The following SGPP2 variants were observed in gnomAD, a reference collection of about 807,000 sequenced individuals.
SGPP2 encodes the protein sphingosine-1-phosphate phosphatase 2.
Under a neutral mutation model 33.9 loss-of-function variants are expected in SGPP2, and 30 were observed. The observed-to-expected ratio is 0.89, with a 90% confidence interval of 0.66 to 1.20. The LOEUF is 1.20. Ranked by LOEUF, SGPP2 falls within the 50% of genes most tolerant of loss-of-function variation. The pLI, the probability that SGPP2 is intolerant of heterozygous loss-of-function variation, is 0.00. For missense variants in SGPP2, 458 were observed against 532.1 expected (o/e 0.86, Z 1.37); for synonymous variants, 233 against 225.0 (o/e 1.04, Z -0.32).
chr2:222,520,872 A>G lies in SGPP2; in HGVS notation c.379-895A>G, dbSNP rs370342236. Reference sequence around the variant, plus strand: ...CTTCCTGGGCTCAAGCAATCCTCCCACCTCAGCCTCTCAAGTAGCTGGTAC... The same window carrying G: ...CTTCCTGGGCTCAAGCAATCCTCCCGCCTCAGCCTCTCAAGTAGCTGGTAC... On this transcript the variant is annotated intron_variant, in intron 2 of 4. Transcript: ENST00000321276. 7.5e-3 allele frequency among the ~76,000 whole-genome samples: 1,143 copies of G among 151,836 alleles called. 10 individuals are homozygous for G. The highest frequency in any genetic ancestry group is 0.026 in the African/African-American group (1,060 of 41,382).
intron 2 of SGPP2, among the ~76,000 whole-genome samples, chr2:222,512,018 T>TTATG (rs958076920): frequency 1.3e-5 from 2 of 150,654 alleles, no homozygotes; most frequent in Non-Finnish European, 3.0e-5. Flanking sequence ...ATTTATTTAT[T>TTATG]TATTTATTTA....
intron 2 of SGPP2, among the ~76,000 whole-genome samples, chr2:222,506,806 A>C (rs761558385): frequency 6.6e-6 from 1 of 152,288 alleles, no homozygotes; most frequent in African/African-American, 2.4e-5. Context: ...GTGTTTCACT[A>C]AAAGGAAGTA....
chr2:222,448,543 A>G lies in SGPP2; in HGVS notation c.219+23722A>G, dbSNP rs149607675. Among the ~76,000 whole-genome samples, 261 of 152,384 alleles carry G rather than the reference A, an allele frequency of 1.7e-3. 2 individuals are homozygous for G. The highest frequency in any genetic ancestry group is 0.017 in the Middle Eastern group (5 of 294). ...AGTTTCTACTGTGTTGTAGTGGAGA[A>G]CATGTGAGATAAGACAGATAATGGG... On this transcript the variant is annotated intron_variant, in intron 1 of 4. Coordinates refer to ENST00000321276, the MANE Select transcript of SGPP2 (RefSeq NM_152386.4).
At chr2:222,491,529 A>T (rs550386441) in intron 2 of SGPP2, among the ~76,000 whole-genome samples, 15 of 152,064 alleles carry the variant, frequency 9.9e-5, no homozygotes, top group Non-Finnish European at 1.8e-4. Context: ...AAACCATCAG[A>T]TCTCATGAGA....
intron 2 of SGPP2, among the ~76,000 whole-genome samples, chr2:222,512,205 G>C (rs943931263): frequency 6.6e-6 from 1 of 151,406 alleles, no homozygotes; most frequent in African/African-American, 2.4e-5. Context: ...TAGAGATGGG[G>C]TTTCACCGTG....
intron 2 of SGPP2, among the ~76,000 whole-genome samples, chr2:222,475,249 A>G (rs900129241): frequency 1.3e-5 from 2 of 152,134 alleles, no homozygotes; most frequent in African/African-American, 2.4e-5. Flanking sequence ...TGGTATTTTT[A>G]GTAGAGATGG....
chr2:222,425,671 C>T (rs2106050952), intron 1 of SGPP2, among the ~76,000 whole-genome samples: 1 of 152,266 alleles, frequency 6.6e-6, no homozygotes, highest in East Asian at 1.9e-4. Context: ...CCTTTTCCCT[C>T]GGCAAAGTCA....
intron 1 of SGPP2, among the ~76,000 whole-genome samples, chr2:222,471,027 T>G (rs1050064750): frequency 6.6e-6 from 1 of 152,250 alleles, no homozygotes; most frequent in East Asian, 1.9e-4. Context: ...AACTCTACAC[T>G]TCCTTATCTA....
chr2:222,507,470 G>T (rs1292585024), intron 2 of SGPP2, among the ~76,000 whole-genome samples: 2 of 152,188 alleles, frequency 1.3e-5, no homozygotes, highest in East Asian at 3.8e-4. Context: ...GCCATCAGGG[G>T]TTTGTAAAGC....
At chr2:222,513,721 G>T (rs1200353600) in intron 2 of SGPP2, among the ~76,000 whole-genome samples, 1 of 152,168 alleles carries the variant, frequency 6.6e-6, no homozygotes, top group Non-Finnish European at 1.5e-5. Context: ...TAGAAGAGGA[G>T]GAAGCAATGT....
At chr2:222,553,017 TAGG>T (rs1362624666) in intron 4 of SGPP2, among the ~76,000 whole-genome samples, 6 of 152,226 alleles carry the variant, frequency 3.9e-5, no homozygotes, top group African/African-American at 1.4e-4. Context: ...GGCACTAGGC[TAGG>T]AGCTTTGTGG....
At chr2:222,507,334 C>T (rs931409668) in intron 2 of SGPP2, among the ~76,000 whole-genome samples, 4 of 152,118 alleles carry the variant, frequency 2.6e-5, no homozygotes, top group Admixed American at 6.6e-5. Context: ...GGACTTCTCT[C>T]CAGATTGGAT....
intron 2 of SGPP2, among the ~76,000 whole-genome samples, chr2:222,501,837 C>T (rs1698372061): frequency 1.3e-5 from 2 of 152,190 alleles, no homozygotes; most frequent in South Asian, 4.1e-4. Flanking sequence ...TCCAAATAGT[C>T]TACAGAGTTG....
chr2:222,443,740 G>A (rs1697359424), intron 1 of SGPP2, among the ~76,000 whole-genome samples: 1 of 152,042 alleles, frequency 6.6e-6, no homozygotes, highest in Non-Finnish European at 1.5e-5. Flanking sequence ...AGCCTTTCAG[G>A]GCCTCACATG....
intron 4 of SGPP2, among the ~76,000 whole-genome samples, chr2:222,539,709 C>G (rs1403236080): frequency 6.6e-6 from 1 of 152,206 alleles, no homozygotes; most frequent in African/African-American, 2.4e-5. Context: ...GCTTCAACCT[C>G]CATGCCACCT....
chr2:222,436,852 A>G (rs1697249652), intron 1 of SGPP2, among the ~76,000 whole-genome samples: 2 of 152,234 alleles, frequency 1.3e-5, no homozygotes, highest in Admixed American at 1.3e-4. Flanking sequence ...GAATGGTGCC[A>G]TATCGAGGGC....
At chr2:222,498,332 AC>A (rs1416273326) in intron 2 of SGPP2, 1 of 152,218 alleles carries the variant, frequency 6.6e-6, no homozygotes, top group Non-Finnish European at 1.5e-5. Context: ...TTGGAATGAT[AC>A]AGAGAAGATT....
chr2:222,469,603 C>A (rs961170030), intron 1 of SGPP2, among the ~76,000 whole-genome samples: 3 of 152,182 alleles, frequency 2.0e-5, no homozygotes, highest in African/African-American at 4.8e-5. Flanking sequence ...GTTTCATTGG[C>A]CTCAGCTTTT....
Position 222,559,175 on chromosome 2 carries a change from C to A in SGPP2, c.*277C>A, listed in dbSNP as rs879245017. The A allele has an allele frequency of 1.3e-3, 51 of 38,466 alleles. 1 individual carries two copies. Among genetic ancestry groups the A allele is most frequent in the Non-Finnish European group, 2.6e-3 (39 of 15,256 alleles). The allele number at this position is 38,466 out of a possible 1,614,324, so 2.4% of individuals were successfully genotyped here. ...GCACACACCGCGCCCCCCCCCCCCCCGCCCGGCCCCTGCTCCTCTCGCTGT... is the reference window on the plus strand; with the variant it reads ...GCACACACCGCGCCCCCCCCCCCCCAGCCCGGCCCCTGCTCCTCTCGCTGT... On this transcript the variant is annotated 3_prime_UTR_variant, in exon 5 of 5. Coordinates refer to ENST00000321276, the MANE Select transcript of SGPP2 (RefSeq NM_152386.4).
Sources: gnomAD v4.1 joint callset for allele counts (sites outside exome capture counted in the v4.1 genomes callset) on GRCh38, gnomAD v4.1.1 for gene constraint, MANE v1.5 for transcripts, NCBI Gene and HGNC (gene_info 2026-07-23, HGNC 2026-07-21) for gene names.